ACVR2A: variants seen among roughly 807,000 people sequenced by gnomAD.
ACVR2A encodes the protein activin receptor type-2A.
Under a neutral mutation model 61.4 loss-of-function variants are expected in ACVR2A, and 7 were observed. The observed-to-expected ratio is 0.11, with a 90% confidence interval of 0.06 to 0.21. The LOEUF is 0.21. ACVR2A is among the 10% of genes least tolerant of loss of function. The probability of loss-of-function intolerance (pLI) is 1.00; values close to 1 mark genes in which losing one functional copy is unlikely to be tolerated. For missense variants in ACVR2A, 322 were observed against 621.7 expected, an observed-to-expected ratio of 0.52 and a Z score of 5.13; for synonymous variants, 193 against 208.3, an observed-to-expected ratio of 0.93 and a Z score of 0.63.
intron 4 of ACVR2A, chr2:147,902,818 C>T (rs1243265861): frequency 6.6e-6 from 1 of 151,978 alleles, no homozygotes; most frequent in African/African-American, 2.4e-5. Flanking sequence ...CCCATATTCA[C>T]GTCCCCATAT....
intron 4 of ACVR2A, among the ~76,000 whole-genome samples, chr2:147,904,766 A>G (rs984043430): frequency 1.3e-5 from 2 of 152,032 alleles, no homozygotes. Flanking sequence ...TATGTATTTA[A>G]AATTAATAAG....
At chr2:147,879,292 G>A (rs1025752026) in intron 1 of ACVR2A, among the ~76,000 whole-genome samples, 5 of 152,138 alleles carry the variant, frequency 3.3e-5, no homozygotes, top group Non-Finnish European at 5.9e-5. Flanking sequence ...GGCATCTGGT[G>A]TGGGTCTGTT....
chr2:147,884,095 G>A (rs1686374688), intron 1 of ACVR2A, among the ~76,000 whole-genome samples: 1 of 152,088 alleles, frequency 6.6e-6, no homozygotes, highest in Non-Finnish European at 1.5e-5. Context: ...TTTTTTAGAA[G>A]CTCTGTTCTG....
chr2:147,893,651 CA>C (rs1169654919), intron 1 of ACVR2A, among the ~76,000 whole-genome samples: 7 of 151,794 alleles, frequency 4.6e-5, no homozygotes, highest in South Asian at 2.1e-4. Context: ...TAGCTTTTTT[CA>C]AAAAAAATTT....
chr2:147,896,117 C>T (rs1450571237), intron 1 of ACVR2A, among the ~76,000 whole-genome samples, 184 bp from the exon 2 acceptor site: 1 of 152,060 alleles, frequency 6.6e-6, no homozygotes, highest in African/African-American at 2.4e-5. Flanking sequence ...TGGTTATTTC[C>T]TATTATAATG....
chr2:147,905,440 G>A (rs975732114), intron 4 of ACVR2A, among the ~76,000 whole-genome samples: 2 of 151,750 alleles, frequency 1.3e-5, no homozygotes, highest in African/African-American at 4.8e-5. Flanking sequence ...TAAGCTTAGA[G>A]TTTGTATTAG....
intron 4 of ACVR2A, among the ~76,000 whole-genome samples, chr2:147,908,388 C>T (rs1424487856): frequency 6.6e-6 from 1 of 152,160 alleles, no homozygotes; most frequent in Non-Finnish European, 1.5e-5. Context: ...TCTTAGGGAA[C>T]ATATCCAGAA....
intron 4 of ACVR2A, among the ~76,000 whole-genome samples, chr2:147,906,321 T>C (rs1686987922): frequency 6.6e-6 from 1 of 152,172 alleles, no homozygotes. Context: ...TTGCCTATGG[T>C]GTGCCAGGCA....
At chr2:147,853,210 A>T (rs1010017846) in intron 1 of ACVR2A, among the ~76,000 whole-genome samples, 1 of 152,120 alleles carries the variant, frequency 6.6e-6, no homozygotes, top group African/African-American at 2.4e-5. Context: ...AAATAAAGAC[A>T]TGTATTTGGA....
At chr2:147,880,381 T>C (rs931097937) in intron 1 of ACVR2A, among the ~76,000 whole-genome samples, 1 of 152,156 alleles carries the variant, frequency 6.6e-6, no homozygotes, top group Non-Finnish European at 1.5e-5. Flanking sequence ...TCAATCATTT[T>C]TTTATATTTC....
In ACVR2A at chr2:147,899,799, C is replaced by T. The variant is rs868447978; in HGVS notation, c.429C>T (p.Ser143=). Residue 143 remains serine (S), a synonymous_variant, in exon 4 of 11, where the codon TCC becomes TCT. Transcript: ENST00000241416. The part of the protein sequence containing the change: ...KPPYYNILLY[S]LVPLMLIAGI... Reference sequence around the variant, plus strand: ...CCTATTACAACATCCTGCTCTATTCCTTGGTGCCACTTATGTTAATTGCGG... The same window carrying T: ...CCTATTACAACATCCTGCTCTATTCTTTGGTGCCACTTATGTTAATTGCGG... The T allele has an allele frequency of 1.2e-6, 2 of 1,613,780 alleles. No homozygotes were observed. Among genetic ancestry groups the T allele is most frequent in the Middle Eastern group, 3.3e-4 (2 of 6,062 alleles).
intron 1 of ACVR2A, among the ~76,000 whole-genome samples, chr2:147,857,435 A>G (rs1003830287): frequency 1.3e-5 from 2 of 151,842 alleles, no homozygotes; most frequent in African/African-American, 4.8e-5. Flanking sequence ...TAATAGAACC[A>G]TTGAAACGTT....
intron 1 of ACVR2A, among the ~76,000 whole-genome samples, chr2:147,874,922 G>A (rs1686116984): frequency 6.6e-6 from 1 of 151,930 alleles, no homozygotes; most frequent in Admixed American, 6.6e-5. Context: ...TGACTTTTCT[G>A]TACTAGGTGA....
chr2:147,860,043 G>A (rs1321443448), intron 1 of ACVR2A, among the ~76,000 whole-genome samples: 1 of 152,152 alleles, frequency 6.6e-6, no homozygotes, highest in Non-Finnish European at 1.5e-5. Flanking sequence ...TTTAGTGATA[G>A]GACAGGGCCA....
At chr2:147,870,595 A>G (rs906575234) in intron 1 of ACVR2A, among the ~76,000 whole-genome samples, 6 of 152,160 alleles carry the variant, frequency 3.9e-5, no homozygotes, top group East Asian at 1.9e-4. Context: ...GGTAACCTGT[A>G]AAGTCAGTAT....
intron 1 of ACVR2A, among the ~76,000 whole-genome samples, chr2:147,881,739 T>C (rs1686307628): frequency 6.6e-6 from 1 of 151,816 alleles, no homozygotes; most frequent in Admixed American, 6.6e-5. Context: ...ATTTATTCTT[T>C]TTTCATATAT....
chr2:147,875,838 G>A (rs984840663), intron 1 of ACVR2A, among the ~76,000 whole-genome samples: 2 of 152,074 alleles, frequency 1.3e-5, no homozygotes, highest in African/African-American at 4.8e-5. Context: ...CAGGTTACAA[G>A]TGTTTAGTAT....
intron 1 of ACVR2A, among the ~76,000 whole-genome samples, chr2:147,883,466 C>T (rs1225854430): frequency 1.3e-5 from 2 of 152,320 alleles, no homozygotes; most frequent in Admixed American, 6.5e-5. Flanking sequence ...GCTGGGATTA[C>T]AGGCATGAGC....
At chr2:147,868,109 C>T (rs1685911814) in intron 1 of ACVR2A, among the ~76,000 whole-genome samples, 1 of 152,176 alleles carries the variant, frequency 6.6e-6, no homozygotes, top group African/African-American at 2.4e-5. Context: ...TCTGTATTCT[C>T]CGTGAGTGGC....
Sources: allele counts gnomAD v4.1 joint callset (sites outside exome capture counted in the v4.1 genomes callset), GRCh38; gene constraint gnomAD v4.1.1; transcripts MANE v1.5; gene names NCBI Gene and HGNC (gene_info 2026-07-23, HGNC 2026-07-21).